RPS17: variants seen among roughly 807,000 people sequenced by gnomAD.
RPS17 encodes ribosomal protein S17, also known as small ribosomal subunit protein eS17.
For synonymous variants in RPS17, 75 were observed against 65.6 expected (o/e 1.14, Z -0.70); for missense variants, 68 against 182.3 (o/e 0.37, Z 3.61).
In RPS17 at chr15:82,539,039, C is replaced by T. The variant is rs1361529548; in HGVS notation, c.156-54G>A. 3.9e-6 allele frequency: 6 copies of T among 1,550,206 alleles called. No individual in the cohort carries two copies. In the East Asian group the frequency reaches 6.7e-5, roughly 17 times the overall value. ...AGTGAGAAGACAAATCAACTCCCACCTGGTACTGAGCACATGTGCATATAT... is the reference window on the plus strand; with the variant it reads ...AGTGAGAAGACAAATCAACTCCCACTTGGTACTGAGCACATGTGCATATAT... On this transcript the variant is annotated intron_variant, in intron 2 of 4. Transcript: ENST00000647841.
chr15:82,538,808 C>G, intron 3 of RPS17, 72 bp downstream of exon 3: 3 of 1,524,850 alleles, frequency 2.0e-6, no homozygotes, highest in Non-Finnish European at 2.7e-6. Flanking sequence ...GCTGAGGTCC[C>G]TTTGGAAGCC....
Position 82,536,791 on chromosome 15 carries a change from C to G in RPS17, c.*10G>C, listed in dbSNP as rs1469738496. Reference sequence around the variant, plus strand: ...ATTTATTGAAAATAATACAGCACTACAGAAAAAATTCAAACAGGTCCCCGA... The same window carrying G: ...ATTTATTGAAAATAATACAGCACTAGAGAAAAAATTCAAACAGGTCCCCGA... On this transcript the variant is annotated 3_prime_UTR_variant, in exon 5 of 5. Coordinates refer to ENST00000647841, the MANE Select transcript of RPS17 (RefSeq NM_001021.6). 1 of 1,613,800 alleles carries G rather than the reference C, an allele frequency of 6.2e-7. No homozygotes were observed. The highest frequency in any genetic ancestry group is 1.3e-5 in the African/African-American group (1 of 74,904).
intron 4 of RPS17, chr15:82,537,612 C>G (rs2034263697): frequency 2.9e-6 from 1 of 340,042 alleles, no homozygotes; most frequent in Non-Finnish European, 5.7e-6. Context: ...TTAGTTTCAA[C>G]AAAAATGCTG....
intron 4 of RPS17, chr15:82,537,827 C>T (rs2034267428): frequency 4.4e-6 from 2 of 454,772 alleles, no homozygotes; most frequent in Middle Eastern, 3.8e-4. Context: ...CATGCTTTCA[C>T]CCAAGTATGC....
rs946303432 is a variant in RPS17, at chr15:82,538,243, A to C, written c.327+63T>G. 36 of 1,584,496 alleles carry C rather than the reference A, an allele frequency of 2.3e-5. No homozygotes were observed. In the East Asian group the frequency reaches 7.6e-4, roughly 34 times the overall value. On this transcript the variant is annotated intron_variant, in intron 4 of 4. Transcript: ENST00000647841. ...CTTACTAGCTGGGTGACCTTGGATA[A>C]TAAGACCTACTGATGGTTTTTGACC...
At chr15:82,539,860 G>T (rs1385236146) in intron 2 of RPS17, 121 bp downstream of exon 2, 1 of 1,504,624 alleles carries the variant, frequency 6.6e-7, no homozygotes, top group East Asian at 2.3e-5. Flanking sequence ...GCCCTTCTCC[G>T]GGACACCAGG....
intron 2 of RPS17, chr15:82,539,291 T>C: frequency 1.8e-6 from 1 of 556,990 alleles, no homozygotes; most frequent in South Asian, 1.5e-5. Context: ...AATTTCAAAT[T>C]CACATAACTT....
rs2034289714 is a variant in RPS17, at chr15:82,538,978, T to C, written c.163A>G (p.Thr55Ala). 1.2e-6 allele frequency: 2 copies of C among 1,613,758 alleles called. No individual in the cohort carries two copies. The highest frequency in any genetic ancestry group is 1.7e-6 in the Non-Finnish European group (2 of 1,179,836). Residue 55 changes from threonine (T) to alanine (A), a missense_variant, in exon 3 of 5, where the codon ACG becomes GCG. Transcript: ENST00000647841. ...KLRNKIAGYV[T>A]HLMKRIQRGP... ...CTCTGAATTCGCTTCATCAGATGCG[T>C]GACATAACTACAAAGCACACACAGC...
intron 3 of RPS17, 157 bp downstream of exon 3, chr15:82,538,723 G>A: frequency 1.3e-6 from 1 of 785,090 alleles, no homozygotes; most frequent in Non-Finnish European, 2.3e-6. Context: ...CAGAATGGAG[G>A]CTAAGAAACT....
chr15:82,539,953 C>A, intron 2 of RPS17, 28 bp downstream of exon 2: 1 of 1,611,962 alleles, frequency 6.2e-7, no homozygotes, highest in Non-Finnish European at 8.5e-7. Flanking sequence ...ATCGCGGAGC[C>A]CCGGAGGCCG....
In RPS17 at chr15:82,539,321, T is replaced by C. The variant is rs1322394340; in HGVS notation, c.156-336A>G. The stretch of plus-strand genomic sequence containing the variant: ...TAACTTGGCAATTAATACGTTGACT[T>C]TGGCACTATTCTTCCAGGCCATATG... On this transcript the variant is annotated intron_variant, in intron 2 of 4. Coordinates refer to ENST00000647841, the MANE Select transcript of RPS17 (RefSeq NM_001021.6). 1.8e-5 allele frequency: 9 copies of C among 501,964 alleles called. No individual in the cohort carries two copies. The East Asian group carries it at 4.4e-4, about 25-fold the overall frequency. The allele number at this position is 501,964 out of a possible 1,614,324, so 31.1% of individuals were successfully genotyped here. A position where few individuals can be genotyped will look rare whatever the true frequency, so the allele number is the denominator to read the frequency against.
chr15:82,536,927 G>A, intron 4 of RPS17, 46 bp from the exon 5 acceptor site: 9 of 1,609,152 alleles, frequency 5.6e-6, no homozygotes, highest in Non-Finnish European at 6.8e-6. Flanking sequence ...GGTGAGATCT[G>A]TGAGTGGACC....
intron 2 of RPS17, 41 bp downstream of exon 2, chr15:82,539,940 C>T (rs2150888654): frequency 1.2e-6 from 2 of 1,611,986 alleles, no homozygotes; most frequent in Middle Eastern, 2.3e-4. Flanking sequence ...AGCACACAAA[C>T]AGATCGCGGA....
At chr15:82,538,593 CTG>C in intron 3 of RPS17, 1 of 673,666 alleles carries the variant, frequency 1.5e-6, no homozygotes, top group East Asian at 2.8e-5. Flanking sequence ...CACTTGAAGT[CTG>C]TGTTTACACC....
chr15:82,539,729 A>G, intron 2 of RPS17: 1 of 641,376 alleles, frequency 1.6e-6, no homozygotes, highest in South Asian at 1.9e-5. Context: ...GTTGACAACT[A>G]AAAGCAACGT....
chr15:82,539,093 T>G, intron 2 of RPS17, 108 bp from the exon 3 acceptor site: 1 of 1,144,934 alleles, frequency 8.7e-7, no homozygotes, highest in South Asian at 1.2e-5. Context: ...TTTTCCACAG[T>G]GAGAAGGAAG....
chr15:82,537,348 C>G (rs1272823458), intron 4 of RPS17: 1 of 281,468 alleles, frequency 3.6e-6, no homozygotes, highest in Non-Finnish European at 6.9e-6. Flanking sequence ...TGCCAAATGT[C>G]CTCTAAAGCA....
At chr15:82,537,284 T>C in intron 4 of RPS17, 1 of 311,478 alleles carries the variant, frequency 3.2e-6, no homozygotes, top group Non-Finnish European at 6.2e-6. Flanking sequence ...CCTCTACCCC[T>C]TAGAAGTTAG....
Position 82,538,329 on chromosome 15 carries a change from T to A in RPS17, c.304A>T (p.Thr102Ser). Residue 102 changes from threonine (T) to serine (S), a missense_variant, in exon 4 of 5, where the codon ACT becomes TCT. Thr to Ser is a moderately conservative substitution (Grantham distance 58). Coordinates refer to ENST00000647841, the MANE Select transcript of RPS17 (RefSeq NM_001021.6). ...DQEIIEVDPD[T>S]KEMLKLLDFG... ...ACCAAAAGCTTCAGCATTTCCTTAG[T>A]GTCAGGATCTACTTCAATAATCTCC... The A allele has an allele frequency of 6.2e-7, 1 of 1,613,264 alleles. No individual in the cohort carries two copies. Among genetic ancestry groups the A allele is most frequent in the Non-Finnish European group, 8.5e-7 (1 of 1,179,806 alleles).
Sources: gnomAD v4.1 joint callset for allele counts on GRCh38, gnomAD v4.1.1 for gene constraint, MANE v1.5 for transcripts, NCBI Gene and HGNC (gene_info 2026-07-23, HGNC 2026-07-21) for gene names.